P2RY12: variants seen among roughly 807,000 people sequenced by gnomAD.
P2RY12 encodes the protein purinergic receptor P2Y12, also known as P2Y purinoceptor 12.
A neutral mutation model predicts 4.5 loss-of-function variants in P2RY12; 3 were observed. The ratio of observed to expected loss-of-function variants is 0.67; its 90% CI spans 0.31 to 1.74. P2RY12 has a LOEUF of 1.74. P2RY12 is among the 40% of genes most tolerant of loss of function. P2RY12 has a pLI of 0.09. For synonymous variants in P2RY12, 148 were observed against 154.1 expected (o/e 0.96, Z 0.29); for missense variants, 356 against 407.8 (o/e 0.87, Z 1.09).
intron 1 of P2RY12, chr3:151,380,283 T>G: frequency 5.0e-6 from 6 of 1,197,186 alleles, no homozygotes; most frequent in Non-Finnish European, 7.2e-6. Context: ...TTCATTTATT[T>G]GCCTTTCAAA....
intron 1 of P2RY12, among the ~76,000 whole-genome samples, chr3:151,371,739 A>C: frequency 6.6e-6 from 1 of 152,326 alleles, no homozygotes; most frequent in South Asian, 2.1e-4. Flanking sequence ...AAAAGGCAAA[A>C]GTTTGAAGGC....
In P2RY12 at chr3:151,380,215, A is replaced by G. The variant is rs752094973; in HGVS notation, c.-180+4477T>C. 1.9e-5 allele frequency: 30 copies of G among 1,592,396 alleles called. No individual in the cohort carries two copies. The Admixed American group carries it at 5.3e-4, about 28-fold the overall frequency. ...GCCTCCTAACATCTCTCCAGAATCA[A>G]GTTAACCAGGTAAAGTATAGTATAA... On this transcript the variant is annotated intron_variant, in intron 1 of 2. Transcript: ENST00000302632.
chr3:151,381,362 TC>T (rs534503329), intron 1 of P2RY12, among the ~76,000 whole-genome samples: 1 of 152,170 alleles, frequency 6.6e-6, no homozygotes, highest in Non-Finnish European at 1.5e-5. Context: ...ACATATTACC[TC>T]AGTATACCTA....
At chr3:151,347,054 G>C (rs566672646) in intron 1 of P2RY12, among the ~76,000 whole-genome samples, 14 of 152,082 alleles carry the variant, frequency 9.2e-5, no homozygotes, top group African/African-American at 3.4e-4. Context: ...TTTACTCCTT[G>C]GGTTCAAAAG....
intron 1 of P2RY12, among the ~76,000 whole-genome samples, chr3:151,364,471 GTGCCTC>G (rs1755038885): frequency 6.6e-6 from 1 of 152,180 alleles, no homozygotes; most frequent in African/African-American, 2.4e-5. Context: ...GACAAGGAAT[GTGCCTC>G]TCTTTTTCAC....
chr3:151,380,070 T>C lies in P2RY12; in HGVS notation c.-180+4622A>G, dbSNP rs1381932478. ...GAATGTTGCCAGAGGAAGTAATGCA[T>C]TATTTCTAACTAGATCTGTTGTTAT... is the stretch of plus-strand genomic sequence containing the variant. On this transcript the variant is annotated intron_variant, in intron 1 of 2. Coordinates refer to ENST00000302632, the MANE Select transcript of P2RY12 (RefSeq NM_022788.5). 3.2e-6 allele frequency: 4 copies of C among 1,241,646 alleles called. No individual in the cohort carries two copies. In the South Asian group the frequency reaches 5.5e-5, roughly 17 times the overall value. 76.9% of individuals were successfully genotyped at this position (1,241,646 alleles called of 1,614,324 possible). A position where few individuals can be genotyped will look rare whatever the true frequency, so the allele number is the denominator to read the frequency against.
chr3:151,372,579 T>C, intron 1 of P2RY12: 1 of 1,613,708 alleles, frequency 6.2e-7, no homozygotes, highest in Non-Finnish European at 8.5e-7. Context: ...GATGCCAAAA[T>C]TGGCAATAAC....
At chr3:151,344,364 C>T (rs923437183) in intron 1 of P2RY12, among the ~76,000 whole-genome samples, 3 of 151,760 alleles carry the variant, frequency 2.0e-5, no homozygotes, top group African/African-American at 7.3e-5. Flanking sequence ...ATGTGCACAC[C>T]CATTCTTCCT....
chr3:151,340,229 A>G (rs1445044050), intron 2 of P2RY12, among the ~76,000 whole-genome samples: 1 of 152,194 alleles, frequency 6.6e-6, no homozygotes, highest in Non-Finnish European at 1.5e-5. Context: ...ACCGTTTTGG[A>G]AATTCGACTT....
rs943018779 is a variant in P2RY12 at position 151,337,655 on chromosome 3, A to C, written c.*162T>G. On this transcript the variant is annotated 3_prime_UTR_variant, in exon 3 of 3. Coordinates refer to ENST00000302632, the MANE Select transcript of P2RY12 (RefSeq NM_022788.5). ...TTTCTATATTTTAAGATAGCTTTTC[A>C]TACTGGAAAGGTAAATGAAAATTGC... is the stretch of plus-strand genomic sequence containing the variant. 1 of 696,490 alleles carries C rather than the reference A, an allele frequency of 1.4e-6. No homozygotes were observed. The highest frequency in any genetic ancestry group is 2.4e-6 in the Non-Finnish European group (1 of 425,466). 43.1% of individuals were successfully genotyped at this position (696,490 alleles called of 1,614,324 possible). A position where few individuals can be genotyped will look rare whatever the true frequency, so the allele number is the denominator to read the frequency against.
chr3:151,367,356 A>G (rs953896062), intron 1 of P2RY12, among the ~76,000 whole-genome samples: 2 of 152,162 alleles, frequency 1.3e-5, no homozygotes, highest in African/African-American at 4.8e-5. Flanking sequence ...TACATCTTGT[A>G]GTGATTTCCT....
intron 1 of P2RY12, among the ~76,000 whole-genome samples, chr3:151,351,817 A>G (rs1753272434): frequency 6.6e-6 from 1 of 152,192 alleles, no homozygotes; most frequent in South Asian, 2.1e-4. Context: ...GCAATGTGGT[A>G]TCCTTTTCTG....
intron 1 of P2RY12, among the ~76,000 whole-genome samples, chr3:151,345,522 T>C (rs1332946122): frequency 1.5e-5 from 2 of 135,032 alleles, no homozygotes; most frequent in South Asian, 2.5e-4. Context: ...TTTTTCTTTT[T>C]TTTTTTTTTT....
chr3:151,369,744 C>T (rs73008518), intron 1 of P2RY12, among the ~76,000 whole-genome samples: 12,859 of 152,118 alleles, frequency 0.085, 1,831 homozygotes, highest in African/African-American at 0.29. Flanking sequence ...TATCTAGTGT[C>T]TCTGGGGGAA....
At chr3:151,367,631 A>T in intron 1 of P2RY12, 1 of 1,596,958 alleles carries the variant, frequency 6.3e-7, no homozygotes, top group Non-Finnish European at 8.6e-7. Flanking sequence ...AAACCTGTCA[A>T]TGTTTTTCTT....
Position 151,337,005 on chromosome 3 carries a change from TAGC to T in P2RY12, c.*809_*811del, listed in dbSNP as rs1353497195. ...AAGGTAAAATGTTCATTAACCTAAT[TAGC>T]AGCTATTTTCTAGAAGCTAATTAAT... is the stretch of plus-strand genomic sequence containing the variant. On this transcript the variant is annotated 3_prime_UTR_variant, in exon 3 of 3. Transcript: ENST00000302632. The T allele has an allele frequency of 1.3e-5, 2 of 152,286 alleles. No individual in the cohort carries two copies. The highest frequency in any genetic ancestry group is 2.9e-5 in the Non-Finnish European group (2 of 68,090). 9.4% of individuals were successfully genotyped at this position (152,286 alleles called of 1,614,324 possible).
In P2RY12 at chr3:151,337,904, C is replaced by T; in HGVS notation, c.942G>A (p.Lys314=). 6.2e-7 allele frequency: 1 copy of T among 1,614,070 alleles called. No individual in the cohort carries two copies. Among genetic ancestry groups the T allele is most frequent in the South Asian group, 1.1e-5 (1 of 91,076 alleles). ...SFRNSLISML[K]CPNSATSLSQ... is the part of the protein sequence containing the mutation. Reference sequence around the variant, plus strand: ...ACAGAGATGTTGCAGAATTGGGGCACTTCAGCATACTTATCAAGGAATTTC... The same window carrying T: ...ACAGAGATGTTGCAGAATTGGGGCATTTCAGCATACTTATCAAGGAATTTC... Residue 314 remains lysine (K), a synonymous_variant, in exon 3 of 3, where the codon AAG becomes AAA. Transcript: ENST00000302632.
intron 1 of P2RY12, among the ~76,000 whole-genome samples, chr3:151,383,107 G>A (rs937169983): frequency 1.3e-5 from 2 of 152,164 alleles, no homozygotes; most frequent in African/African-American, 2.4e-5. Context: ...TTAACTCAAA[G>A]TTTTGTCCAA....
intron 1 of P2RY12, chr3:151,365,349 T>C: frequency 1.5e-6 from 1 of 652,522 alleles, no homozygotes. Context: ...TTCCTTAATT[T>C]ACCTCTGCAC....
Sources: gnomAD v4.1 joint callset for allele counts (sites outside exome capture counted in the v4.1 genomes callset) on GRCh38, gnomAD v4.1.1 for gene constraint, MANE v1.5 for transcripts, NCBI Gene and HGNC (gene_info 2026-07-23, HGNC 2026-07-21) for gene names.